The following MET variants were observed in gnomAD, a reference collection of about 807,000 sequenced individuals.
MET encodes MET proto-oncogene, receptor tyrosine kinase.
MET carries 48 observed loss-of-function variants against 133.1 expected under a neutral mutation model. The ratio of observed to expected loss-of-function variants is 0.36; its 90% confidence interval spans 0.29 to 0.46. The LOEUF (loss-of-function observed/expected upper bound fraction) is 0.46, where lower values mean the gene tolerates loss of function less well. Ranked by LOEUF, MET falls within the 20% of genes least tolerant of loss-of-function variation. The pLI is 1.00. For missense variants in MET, 1,442 were observed against 1,695.9 expected, an observed-to-expected ratio of 0.85 and a Z score of 2.63; for synonymous variants, 628 against 616.5, an observed-to-expected ratio of 1.02 and a Z score of -0.28.
chr7:116,762,428 T>C (rs1450131513), intron 10 of MET, among the ~76,000 whole-genome samples: 1 of 152,140 alleles, frequency 6.6e-6, no homozygotes, highest in East Asian at 1.9e-4. Flanking sequence ...AGACCAACTT[T>C]GTAAAGTATT....
intron 1 of MET, among the ~76,000 whole-genome samples, chr7:116,684,272 C>T (rs1226991663): frequency 6.6e-6 from 1 of 152,176 alleles, no homozygotes; most frequent in African/African-American, 2.4e-5. Flanking sequence ...TCTAGTCCTT[C>T]CTTTCTTTCC....
chr7:116,792,313 A>G (rs549062554), intron 19 of MET, among the ~76,000 whole-genome samples: 2 of 152,262 alleles, frequency 1.3e-5, no homozygotes, highest in South Asian at 4.1e-4. Flanking sequence ...TGGTGCTCAA[A>G]TGCTCAAAAT....
intron 2 of MET, among the ~76,000 whole-genome samples, chr7:116,708,684 C>G (rs1402451619): frequency 6.6e-6 from 1 of 152,158 alleles, no homozygotes; most frequent in Non-Finnish European, 1.5e-5. Context: ...CACTGCCTTT[C>G]CTGGCCTGTC....
chr7:116,795,551 T>C, intron 19 of MET, 104 bp from the exon 20 acceptor site: 1 of 1,478,466 alleles, frequency 6.8e-7, no homozygotes, highest in Non-Finnish European at 9.4e-7. Flanking sequence ...AGAAACCGTA[T>C]TGAGTATGTA....
intron 2 of MET, among the ~76,000 whole-genome samples, chr7:116,702,230 C>T (rs1023564119): frequency 6.6e-6 from 1 of 152,126 alleles, no homozygotes; most frequent in African/African-American, 2.4e-5. Flanking sequence ...TTGCGGGAAA[C>T]AAGATGGAAC....
intron 2 of MET, among the ~76,000 whole-genome samples, chr7:116,725,485 T>TATATATATAC (rs1034429722): frequency 6.7e-6 from 1 of 149,408 alleles, no homozygotes; most frequent in African/African-American, 2.4e-5. Context: ...TATATATATA[T>TATATATATAC]ACACACACAC....
chr7:116,700,359 T>A, intron 2 of MET, 75 bp downstream of exon 2: 9 of 1,489,662 alleles, frequency 6.0e-6, no homozygotes, highest in African/African-American at 1.4e-5. Flanking sequence ...AAAAAGAATA[T>A]CCAGGGCTTC....
At chr7:116,726,389 G>A (rs981081156) in intron 2 of MET, among the ~76,000 whole-genome samples, 1 of 151,326 alleles carries the variant, frequency 6.6e-6, no homozygotes, top group Non-Finnish European at 1.5e-5. Flanking sequence ...TTGGATGCAT[G>A]GGGTTTCCTT....
intron 4 of MET, among the ~76,000 whole-genome samples, chr7:116,740,419 C>T (rs1323223900): frequency 3.3e-5 from 5 of 152,214 alleles, no homozygotes; most frequent in Non-Finnish European, 5.9e-5. Flanking sequence ...GAATCCGACT[C>T]CAACCAATAA....
At chr7:116,741,844 G>A (rs911969874) in intron 5 of MET, among the ~76,000 whole-genome samples, 6 of 152,228 alleles carry the variant, frequency 3.9e-5, no homozygotes, top group Admixed American at 6.5e-5. Flanking sequence ...TCCAGAACAA[G>A]ATGAGCACAT....
rs375835640 is a variant in MET, at chr7:116,680,179, GC to G, written c.-15+7603del. Among the ~76,000 whole-genome samples the G allele has an allele frequency of 7.4e-4, 112 of 152,246 alleles. 1 individual carries two copies. Among genetic ancestry groups the G allele is most frequent in the African/African-American group, 2.5e-3 (102 of 41,558 alleles). On this transcript the variant is annotated intron_variant, in intron 1 of 20. Transcript: ENST00000397752. Reference sequence around the variant, plus strand: ...ATTTACTAAATACATTATCATTACAGCTTGTTTTGACATTTAATTGTAGATG... The same window carrying G: ...ATTTACTAAATACATTATCATTACAGTTGTTTTGACATTTAATTGTAGATG...
At chr7:116,793,838 G>A (rs1196351061) in intron 19 of MET, among the ~76,000 whole-genome samples, 2 of 152,082 alleles carry the variant, frequency 1.3e-5, no homozygotes, top group Non-Finnish European at 2.9e-5. Flanking sequence ...GGAAGAGGTT[G>A]CAGTACACCA....
At chr7:116,773,026 T>A (rs1384345609) in intron 14 of MET, among the ~76,000 whole-genome samples, 1 of 152,310 alleles carries the variant, frequency 6.6e-6, no homozygotes, top group South Asian at 2.1e-4. Context: ...ATATGCACAT[T>A]TCATAGTTCT....
chr7:116,725,098 C>A (rs933755340), intron 2 of MET, among the ~76,000 whole-genome samples: 1 of 151,992 alleles, frequency 6.6e-6, no homozygotes, highest in East Asian at 1.9e-4. Context: ...TATGCCTGTA[C>A]GTAAGAAGTA....
chr7:116,792,961 C>A (rs1795555198), intron 19 of MET, among the ~76,000 whole-genome samples: 1 of 152,218 alleles, frequency 6.6e-6, no homozygotes, highest in African/African-American at 2.4e-5. Flanking sequence ...TACACTCTTT[C>A]ACTACCTTAA....
chr7:116,673,311 G>C (rs1222286641), intron 1 of MET, among the ~76,000 whole-genome samples: 1 of 152,180 alleles, frequency 6.6e-6, no homozygotes, highest in Non-Finnish European at 1.5e-5. Flanking sequence ...CAGTTGGAGA[G>C]GGCTCCAATG....
chr7:116,770,526 T>C (rs1794798774), intron 12 of MET, among the ~76,000 whole-genome samples: 1 of 152,084 alleles, frequency 6.6e-6, no homozygotes, highest in Non-Finnish European at 1.5e-5. Context: ...ATTCCAGAAC[T>C]TTTTCGTCAC....
intron 2 of MET, 84 bp downstream of exon 2, chr7:116,700,368 T>G: frequency 6.9e-7 from 1 of 1,456,048 alleles, no homozygotes; most frequent in Middle Eastern, 1.8e-4. Flanking sequence ...ATCCAGGGCT[T>G]CTTTTGTGCT....
At chr7:116,707,066 T>G (rs75971075) in intron 2 of MET, among the ~76,000 whole-genome samples, 167 of 152,168 alleles carry the variant, frequency 1.1e-3, no homozygotes, top group Non-Finnish European at 1.0e-3. Context: ...CACTCTGCCT[T>G]GGGAAGCAGT....
Sources: gnomAD v4.1 joint callset for allele counts (sites outside exome capture counted in the v4.1 genomes callset) on GRCh38, gnomAD v4.1.1 for gene constraint, MANE v1.5 for transcripts, NCBI Gene and HGNC (gene_info 2026-07-23, HGNC 2026-07-21) for gene names.